The following MED13L variants were observed in gnomAD, a reference collection of about 807,000 sequenced individuals.
MED13L encodes the protein mediator complex subunit 13L.
MED13L carries 7 observed loss-of-function variants against 220.9 expected under a neutral mutation model. That is an observed-to-expected ratio of 0.03 (90% CI 0.02 to 0.06). The LOEUF (loss-of-function observed/expected upper bound fraction) is 0.06, where lower values mean the gene tolerates loss of function less well. Among genes scored for constraint, MED13L ranks in the 10% least tolerant of loss-of-function variants. The pLI is 1.00. For synonymous variants in MED13L, 1,011 were observed against 1,015.2 expected, an observed-to-expected ratio of 1.00 and a Z score of 0.08; for missense variants, 1,965 against 2,760.5, an observed-to-expected ratio of 0.71 and a Z score of 6.46.
chr12:116,212,728 C>A (rs1190203170), intron 2 of MED13L, among the ~76,000 whole-genome samples: 1 of 152,138 alleles, frequency 6.6e-6, no homozygotes, highest in African/African-American at 2.4e-5. Context: ...AATAAGTTCA[C>A]CCTTAATAAT....
At chr12:116,050,138 G>A (rs1450832483) in intron 4 of MED13L, among the ~76,000 whole-genome samples, 2 of 152,138 alleles carry the variant, frequency 1.3e-5, no homozygotes, top group Non-Finnish European at 2.9e-5. Flanking sequence ...TAACTAGATT[G>A]TTCTAGGGTG....
At chr12:116,049,121 A>G (rs1030941209) in intron 4 of MED13L, among the ~76,000 whole-genome samples, 2 of 152,206 alleles carry the variant, frequency 1.3e-5, no homozygotes, top group Non-Finnish European at 2.9e-5. Flanking sequence ...ACATGATCTC[A>G]TGTACAGAAT....
intron 4 of MED13L, among the ~76,000 whole-genome samples, chr12:116,041,309 T>C (rs1010979775): frequency 6.6e-6 from 1 of 152,168 alleles, no homozygotes. Flanking sequence ...TGCTTCCCCT[T>C]TGCCTTCTAC....
intron 2 of MED13L, among the ~76,000 whole-genome samples, chr12:116,230,923 T>C (rs577716119): frequency 1.2e-4 from 18 of 152,302 alleles, no homozygotes; most frequent in Admixed American, 3.9e-4. Context: ...GTCTATGATT[T>C]TGGAAAATTC....
At chr12:116,043,302 T>G (rs546563837) in intron 4 of MED13L, among the ~76,000 whole-genome samples, 1 of 152,364 alleles carries the variant, frequency 6.6e-6, no homozygotes, top group South Asian at 2.1e-4. Flanking sequence ...TTCTATGCAA[T>G]GCACTTGTAA....
chr12:116,231,534 G>A (rs1234640094), intron 2 of MED13L, among the ~76,000 whole-genome samples: 2 of 152,060 alleles, frequency 1.3e-5, no homozygotes, highest in African/African-American at 4.8e-5. Flanking sequence ...TAAATGAGAG[G>A]ACACAAGCCA....
chr12:115,981,024 A>G, intron 22 of MED13L, 86 bp from the exon 23 acceptor site: 1 of 1,164,020 alleles, frequency 8.6e-7, no homozygotes, highest in South Asian at 1.3e-5. Context: ...TGAAAAAGGA[A>G]ACGGCATGAA....
intron 4 of MED13L, among the ~76,000 whole-genome samples, chr12:116,036,738 A>G (rs1047195306): frequency 9.9e-5 from 15 of 152,160 alleles, no homozygotes; most frequent in African/African-American, 3.6e-4. Context: ...ATATTTTGCT[A>G]ATATTACTTT....
At chr12:116,061,332 T>C (rs1869463756) in intron 4 of MED13L, among the ~76,000 whole-genome samples, 1 of 152,170 alleles carries the variant, frequency 6.6e-6, no homozygotes, top group Non-Finnish European at 1.5e-5. Context: ...ATATGTATCT[T>C]TTATTTTTAA....
At chr12:116,149,919 G>C (rs1877903376) in intron 2 of MED13L, among the ~76,000 whole-genome samples, 1 of 152,142 alleles carries the variant, frequency 6.6e-6, no homozygotes. Flanking sequence ...AGAAATGGAA[G>C]ACAGAAAAAG....
In MED13L at chr12:115,986,357, C is replaced by T. The variant is rs1221429561; in HGVS notation, c.4247G>A (p.Arg1416His). 6.2e-6 allele frequency: 10 copies of T among 1,614,036 alleles called. No homozygotes were observed. Among genetic ancestry groups the T allele is most frequent in the South Asian group, 4.4e-5 (4 of 91,082 alleles). Residue 1416 changes from arginine (R) to histidine (H), a missense_variant, in exon 19 of 31, where the codon CGT becomes CAT. Arg to His is a conservative substitution (Grantham distance 29). Around this residue, in one of 10 missense-constraint regions of MED13L, gnomAD observed 510 missense variants for 620.4 expected, o/e 0.82. Coordinates refer to ENST00000281928, the MANE Select transcript of MED13L (RefSeq NM_015335.5). The stretch of plus-strand genomic sequence containing the variant: ...ACACACCACAATATAGGCAACATCA[C>T]GGTGGCCCCCATATGGGTCCAACAA... Reference protein sequence around the residue: ...RLLLDPYGGHRDVAYIVVCPE... With the variant: ...RLLLDPYGGHHDVAYIVVCPE...
intron 2 of MED13L, among the ~76,000 whole-genome samples, chr12:116,223,170 T>C (rs188162121): frequency 2.0e-5 from 3 of 152,306 alleles, no homozygotes; most frequent in Admixed American, 2.0e-4. Context: ...ATTCAATCCA[T>C]GATGTATTTA....
intron 2 of MED13L, among the ~76,000 whole-genome samples, chr12:116,138,491 C>G (rs1183804207): frequency 6.6e-6 from 1 of 152,178 alleles, no homozygotes; most frequent in Non-Finnish European, 1.5e-5. Context: ...AGCGGCCAAG[C>G]TGGAATGCTC....
intron 4 of MED13L, among the ~76,000 whole-genome samples, chr12:116,059,606 C>T (rs1035650595): frequency 2.6e-5 from 4 of 151,680 alleles, no homozygotes; most frequent in African/African-American, 7.3e-5. Context: ...TTAATAGAGA[C>T]GGGGTTTCAC....
At chr12:116,046,376 A>C (rs1341306855) in intron 4 of MED13L, among the ~76,000 whole-genome samples, 1 of 152,216 alleles carries the variant, frequency 6.6e-6, no homozygotes, top group African/African-American at 2.4e-5. Context: ...ACAAAATCTA[A>C]AGCCAAATGG....
At chr12:116,054,221 C>T (rs1419805657) in intron 4 of MED13L, among the ~76,000 whole-genome samples, 3 of 152,068 alleles carry the variant, frequency 2.0e-5, no homozygotes, top group Non-Finnish European at 2.9e-5. Flanking sequence ...CAAACACACA[C>T]ACACACACAC....
At chr12:116,118,183 A>T (rs1420093504) in intron 2 of MED13L, among the ~76,000 whole-genome samples, 2 of 152,198 alleles carry the variant, frequency 1.3e-5, no homozygotes, top group African/African-American at 4.8e-5. Context: ...GTTCTTTTAT[A>T]TTCTGTAAGT....
Position 116,148,738 on chromosome 12 carries a change from C to G in MED13L, c.311-37226G>C, listed in dbSNP as rs1348815996. ...GAGAAATTATTGGAATTTAGGTTAC[C>G]TCCTAAGAAAGGAGGCTTTGCTTTA... On this transcript the variant is annotated intron_variant, in intron 2 of 30. Transcript: ENST00000281928. 2.4e-5 allele frequency: 4 copies of G among 164,222 alleles called. No homozygotes were observed. The East Asian group carries it at 7.7e-4, about 32-fold the overall frequency. 10.2% of individuals were successfully genotyped at this position (164,222 alleles called of 1,614,324 possible).
chr12:116,119,025 G>A (rs145059497), intron 2 of MED13L, among the ~76,000 whole-genome samples: 26 of 152,152 alleles, frequency 1.7e-4, no homozygotes, highest in African/African-American at 5.8e-4. Context: ...TATAAATGGG[G>A]AGGTGGGGAG....
Sources: gnomAD v4.1 joint callset for allele counts (sites outside exome capture counted in the v4.1 genomes callset) on GRCh38, gnomAD v4.1.1 for gene constraint, gnomAD v4.1.1 regional missense constraint, MANE v1.5 for transcripts, NCBI Gene and HGNC (gene_info 2026-07-23, HGNC 2026-07-21) for gene names.